The following SCAPER variants were observed in gnomAD, a reference collection of about 807,000 sequenced individuals.
The protein encoded by SCAPER is S-phase cyclin A associated protein in the ER, also known as S phase cyclin A-associated protein in the endoplasmic reticulum.
In SCAPER, 98 loss-of-function variants were observed where a neutral mutation model predicts 182.2. The ratio of observed to expected loss-of-function variants is 0.54; its 90% CI spans 0.46 to 0.64. The LOEUF (loss-of-function observed/expected upper bound fraction) is 0.64. Among genes scored for constraint, SCAPER ranks in the 30% least tolerant of loss-of-function variants. SCAPER has a pLI of 0.00. For synonymous variants in SCAPER, 605 were observed against 564.6 expected, an observed-to-expected ratio of 1.07 and a Z score of -1.01; for missense variants, 1,432 against 1,690.0, an observed-to-expected ratio of 0.85 and a Z score of 2.68.
chr15:76,428,571 A>G (rs777914479), intron 26 of SCAPER, among the ~76,000 whole-genome samples: 12 of 152,038 alleles, frequency 7.9e-5, no homozygotes, highest in African/African-American at 1.4e-4. Context: ...TGTAATCTAT[A>G]ACGAGAAGTT....
At chr15:76,429,221 C>T (rs2046687831) in intron 26 of SCAPER, among the ~76,000 whole-genome samples, 1 of 152,050 alleles carries the variant, frequency 6.6e-6, no homozygotes, top group Non-Finnish European at 1.5e-5. Flanking sequence ...CATTAAACCT[C>T]TTTTTCTTTC....
At chr15:76,795,520 T>G (rs1197150942) in intron 7 of SCAPER, 80 bp from the exon 8 acceptor site, 26 of 1,098,244 alleles carry the variant, frequency 2.4e-5, no homozygotes, top group Non-Finnish European at 3.2e-5. Context: ...TATTTAAAAT[T>G]TAAATTATGC....
Position 76,604,249 on chromosome 15 carries a change from C to A in SCAPER, c.2711+17515G>T, listed in dbSNP as rs1362084153. On this transcript the variant is annotated intron_variant, in intron 22 of 31. Coordinates refer to ENST00000563290, the MANE Select transcript of SCAPER (RefSeq NM_020843.4). ...GTTTCAGCTTTCTACATATGGCTAG[C>A]CAGTTTGCCCAGCACCATTTATTAA... Among the ~76,000 whole-genome samples the A allele has an allele frequency of 1.7e-5, 2 of 120,912 alleles. 1 individual carries two copies. The highest frequency in any genetic ancestry group is 1.9e-4 in the Admixed American group (2 of 10,582). The allele number at this position is 120,912 out of a possible 152,430, so 79.3% of individuals were successfully genotyped here. A position where few individuals can be genotyped will look rare whatever the true frequency, so the allele number is the denominator to read the frequency against.
chr15:76,729,787 T>TATCATC (rs371112005), intron 16 of SCAPER, among the ~76,000 whole-genome samples: 1 of 151,990 alleles, frequency 6.6e-6, no homozygotes, highest in Non-Finnish European at 1.5e-5. Flanking sequence ...TCTAAATAAT[T>TATCATC]ATCATCATCA....
At chr15:76,573,605 C>G (rs1353568165) in intron 23 of SCAPER, among the ~76,000 whole-genome samples, 1 of 151,884 alleles carries the variant, frequency 6.6e-6, no homozygotes, top group African/African-American at 2.4e-5. Context: ...GAAGAAGATA[C>G]AATAAAATGT....
chr15:76,501,696 G>A (rs2041136252), intron 24 of SCAPER, among the ~76,000 whole-genome samples: 2 of 152,220 alleles, frequency 1.3e-5, no homozygotes, highest in Admixed American at 1.3e-4. Context: ...TGCCACAGGA[G>A]GCAGGAAACA....
At chr15:76,475,745 C>T (rs2050577575) in intron 24 of SCAPER, among the ~76,000 whole-genome samples, 1 of 152,206 alleles carries the variant, frequency 6.6e-6, no homozygotes, top group Admixed American at 6.5e-5. Context: ...GCGACCTACC[C>T]TGCTTTCCCC....
At chr15:76,723,274 T>C (rs1474024577) in intron 17 of SCAPER, among the ~76,000 whole-genome samples, 2 of 152,234 alleles carry the variant, frequency 1.3e-5, no homozygotes, top group South Asian at 2.1e-4. Flanking sequence ...TCTAGTTTGA[T>C]TGCACTGTGG....
intron 28 of SCAPER, chr15:76,379,874 C>T (rs980722854): frequency 4.6e-5 from 7 of 152,112 alleles, no homozygotes; most frequent in African/African-American, 1.7e-4. Flanking sequence ...GAGCAGGGAC[C>T]TAGGGCTCCC....
chr15:76,488,714 C>CTTTTTTTTTTTTTTTTTTTTTTT lies in SCAPER; in HGVS notation c.2954+16122_2954+16144dup, dbSNP rs71143333. 1.1e-3 allele frequency among the ~76,000 whole-genome samples: 106 copies of CTTTTTTTTTTTTTTTTTTTTTTT among 93,118 alleles called. 9 individuals are homozygous for CTTTTTTTTTTTTTTTTTTTTTTT. The highest frequency in any genetic ancestry group is 1.6e-3 in the East Asian group (4 of 2,488). 61.1% of individuals were successfully genotyped at this position (93,118 alleles called of 152,430 possible). A position where few individuals can be genotyped will look rare whatever the true frequency, so the allele number is the denominator to read the frequency against. ...TTGCATCCTGATAACAGTACACTGC[C>CTTTTTTTTTTTTTTTTTTTTTTT]TTTTTTTTTTTTTTTTTTTTTTTTT... On this transcript the variant is annotated intron_variant, in intron 24 of 31. Transcript: ENST00000563290.
intron 21 of SCAPER, among the ~76,000 whole-genome samples, chr15:76,655,022 A>T (rs1044459268): frequency 2.0e-5 from 3 of 152,212 alleles, no homozygotes; most frequent in Admixed American, 6.5e-5. Context: ...CAACAGCACT[A>T]ATTCTTAACA....
chr15:76,857,226 A>G (rs1251505709), intron 4 of SCAPER, among the ~76,000 whole-genome samples: 1 of 152,094 alleles, frequency 6.6e-6, no homozygotes, highest in African/African-American at 2.4e-5. Flanking sequence ...TGAGGCCAGG[A>G]GTTTGGGACC....
At chr15:76,368,836 AATTTAATTATCAGACCAC>A (rs768017391) in intron 29 of SCAPER, among the ~76,000 whole-genome samples, 18 of 152,230 alleles carry the variant, frequency 1.2e-4, no homozygotes, top group Non-Finnish European at 2.1e-4. Flanking sequence ...CATTTGAGTT[AATTTAATTATCAGACCAC>A]ATTTAATTAT....
At chr15:76,481,887 C>T (rs1448576897) in intron 24 of SCAPER, among the ~76,000 whole-genome samples, 3 of 152,218 alleles carry the variant, frequency 2.0e-5, no homozygotes, top group East Asian at 1.9e-4. Flanking sequence ...CTCCATTCCT[C>T]TATTTTCCTT....
At chr15:76,791,045 C>T (rs184663012) in intron 8 of SCAPER, among the ~76,000 whole-genome samples, 5 of 152,264 alleles carry the variant, frequency 3.3e-5, no homozygotes, top group East Asian at 3.9e-4. Flanking sequence ...ATCTCTGACT[C>T]GATGAGTTAT....
chr15:76,592,971 A>C (rs2049236418), intron 22 of SCAPER, among the ~76,000 whole-genome samples: 1 of 117,678 alleles, frequency 8.5e-6, no homozygotes, highest in Non-Finnish European at 2.1e-5. Flanking sequence ...ACCGAGACAG[A>C]ACCATTCATT....
chr15:76,852,726 C>A (rs1345002678), intron 4 of SCAPER, among the ~76,000 whole-genome samples: 1 of 152,176 alleles, frequency 6.6e-6, no homozygotes, highest in Non-Finnish European at 1.5e-5. Context: ...TAAACACCCA[C>A]ATCAAAAAGT....
chr15:76,637,798 G>A (rs1899553), intron 21 of SCAPER, among the ~76,000 whole-genome samples: 107,434 of 131,944 alleles, frequency 0.81, 44,919 homozygotes, highest in East Asian at 0.95. Context: ...GTGTGTGTGT[G>A]TATGTATATA....
chr15:76,403,194 G>A (rs1026937221), intron 27 of SCAPER, among the ~76,000 whole-genome samples: 3 of 152,200 alleles, frequency 2.0e-5, no homozygotes, highest in Non-Finnish European at 4.4e-5. Flanking sequence ...GCAGCATGGT[G>A]GCCTCCAAGC....
Sources: allele counts gnomAD v4.1 joint callset (sites outside exome capture counted in the v4.1 genomes callset), GRCh38; gene constraint gnomAD v4.1.1; transcripts MANE v1.5; gene names NCBI Gene and HGNC (gene_info 2026-07-23, HGNC 2026-07-21).